TBCK: variants seen among roughly 807,000 people sequenced by gnomAD.
The protein encoded by TBCK is TBC1 domain containing kinase.
TBCK carries 99 observed loss-of-function variants against 113.4 expected under a neutral mutation model. The ratio of observed to expected loss-of-function variants is 0.87; its 90% CI spans 0.74 to 1.03. The LOEUF (loss-of-function observed/expected upper bound fraction) is 1.03, where lower values mean the gene tolerates loss of function less well. Among genes scored for constraint, TBCK ranks in the 50% least tolerant of loss-of-function variants. TBCK has a pLI of 0.00. For missense variants in TBCK, 1,045 were observed against 1,061.3 expected (o/e 0.98, Z 0.21); for synonymous variants, 369 against 370.8 (o/e 1.00, Z 0.05).
In TBCK at chr4:106,248,910, T is replaced by A; in HGVS notation, c.720+11A>T. 6.3e-7 allele frequency: 1 copy of A among 1,597,050 alleles called. No homozygotes were observed. The highest frequency in any genetic ancestry group is 8.5e-7 in the Non-Finnish European group (1 of 1,173,986). ...AGCACAAATGGACTAAGACCCAGATTAATGACAAACCTTTATAATGTCCAA... is the reference window on the plus strand; with the variant it reads ...AGCACAAATGGACTAAGACCCAGATAAATGACAAACCTTTATAATGTCCAA... On this transcript the variant is annotated intron_variant, in intron 8 of 25. Coordinates refer to ENST00000394708, the MANE Select transcript of TBCK (RefSeq NM_001163435.3).
intron 2 of TBCK, among the ~76,000 whole-genome samples, chr4:106,305,430 T>C (rs1242307695): frequency 2.0e-5 from 3 of 152,056 alleles, no homozygotes; most frequent in African/African-American, 7.2e-5. Flanking sequence ...AAATAAAACA[T>C]AACAGACAGA....
intron 25 of TBCK, among the ~76,000 whole-genome samples, chr4:106,081,188 C>T (rs1738828706): frequency 6.6e-6 from 1 of 152,108 alleles, no homozygotes; most frequent in African/African-American, 2.4e-5. Flanking sequence ...TTGGTATATG[C>T]CCAAAGGAAT....
rs1171977146 is a variant in TBCK at position 106,295,036 on chromosome 4, T to C, written c.266+58A>G. The C allele has an allele frequency of 9.9e-6, 14 of 1,414,010 alleles. 1 individual carries two copies. The East Asian group carries it at 3.0e-4, about 31-fold the overall frequency. The allele number at this position is 1,414,010 out of a possible 1,614,324, so 87.6% of individuals were successfully genotyped here. ...CCAAACCCCTGCAGTTTAAACAAAA[T>C]GCCTTTTTGTTTGCCAAGTTCTGCT... On this transcript the variant is annotated intron_variant, in intron 3 of 25. Transcript: ENST00000394708.
rs371618959 is a variant in TBCK, at chr4:106,171,117, G to A, written c.2213C>T (p.Pro738Leu). The A allele has an allele frequency of 2.5e-6, 4 of 1,610,112 alleles. No individual in the cohort carries two copies. The African/African-American group carries it at 5.4e-5, about 22-fold the overall frequency. Residue 738 changes from proline to leucine, a missense_variant, in exon 23 of 26, where the codon CCA (proline) becomes CTA (leucine). Coordinates refer to ENST00000394708, the MANE Select transcript of TBCK (RefSeq NM_001163435.3). Reference sequence around the variant, plus strand: ...TACCAGATCTGTCTTTGGAGGATCTGGACACTCAGCAGAGAAATAAGGTGC... The same window carrying A: ...TACCAGATCTGTCTTTGGAGGATCTAGACACTCAGCAGAGAAATAAGGTGC... ...SSAPYFSAEC[P>L]DPPKTDLSRE... is the part of the protein sequence containing the mutation.
Position 106,211,227 on chromosome 4 carries a change from A to G in TBCK, c.1860+1523T>C, listed in dbSNP as rs372283425. Among the ~76,000 whole-genome samples, 6 of 152,176 alleles carry G rather than the reference A, an allele frequency of 3.9e-5. 1 individual carries two copies. Among genetic ancestry groups the G allele is most frequent in the African/African-American group, 9.6e-5 (4 of 41,460 alleles). ...AATATTCTTTTTTACTCAAAAATCT[A>G]ACACCATTACCAACTTGGCAGTCAG... On this transcript the variant is annotated intron_variant, in intron 20 of 25. Transcript: ENST00000394708.
intron 1 of TBCK, among the ~76,000 whole-genome samples, chr4:106,313,111 G>C (rs1481265010): frequency 6.6e-6 from 1 of 152,190 alleles, no homozygotes; most frequent in African/African-American, 2.4e-5. Context: ...AACAGCTTAT[G>C]AGAAGATAAA....
intron 20 of TBCK, among the ~76,000 whole-genome samples, chr4:106,200,929 A>G (rs971938744): frequency 2.6e-5 from 4 of 152,142 alleles, no homozygotes; most frequent in African/African-American, 9.6e-5. Context: ...TAATGAGAAA[A>G]TGAGTTAGTC....
chr4:106,287,981 CTT>C (rs1018398291), intron 3 of TBCK, among the ~76,000 whole-genome samples: 11 of 151,930 alleles, frequency 7.2e-5, no homozygotes, highest in Non-Finnish European at 1.3e-4. Context: ...AATTCATACT[CTT>C]TCTTCTAAAA....
chr4:106,122,186 A>T (rs1160082263), intron 23 of TBCK, among the ~76,000 whole-genome samples: 11 of 149,988 alleles, frequency 7.3e-5, no homozygotes, highest in East Asian at 3.9e-4. Flanking sequence ...AAAATGATAA[A>T]GGGGATATCA....
chr4:106,045,109 G>A lies in TBCK; in HGVS notation c.*1461C>T, dbSNP rs1734106648. ...GGGTGAGCCCTGTTGCCCAGGCTGG[G>A]GTACAGTGGCCCTATCATGGCTCAT... On this transcript the variant is annotated 3_prime_UTR_variant, in exon 26 of 26. Transcript: ENST00000394708. 6 of 150,560 alleles carry A rather than the reference G, an allele frequency of 4.0e-5. No homozygotes were observed. 9.3% of individuals were successfully genotyped at this position (150,560 alleles called of 1,614,324 possible).
chr4:106,070,617 G>C (rs905196633), intron 25 of TBCK, among the ~76,000 whole-genome samples: 10 of 152,066 alleles, frequency 6.6e-5, no homozygotes, highest in African/African-American at 2.4e-4. Flanking sequence ...TTGTGTGTGT[G>C]TCTCTGCCAG....
At chr4:106,172,076 C>T (rs1054290848) in intron 22 of TBCK, among the ~76,000 whole-genome samples, 1 of 152,112 alleles carries the variant, frequency 6.6e-6, no homozygotes, top group Admixed American at 6.6e-5. Flanking sequence ...AGGCAATCCA[C>T]CTGCCTCGGC....
chr4:106,221,360 AAATTT>A (rs1410041298), intron 19 of TBCK, among the ~76,000 whole-genome samples: 4 of 152,174 alleles, frequency 2.6e-5, no homozygotes, highest in African/African-American at 9.7e-5. Flanking sequence ...TAAAATATAT[AAATTT>A]ATTTTATGTA....
At chr4:106,275,340 A>T (rs1478309637) in intron 3 of TBCK, among the ~76,000 whole-genome samples, 3 of 152,200 alleles carry the variant, frequency 2.0e-5, no homozygotes, top group Non-Finnish European at 4.4e-5. Flanking sequence ...ATGGTGAAAT[A>T]CTTAACATTT....
chr4:106,107,492 A>G (rs1742302158), intron 24 of TBCK, among the ~76,000 whole-genome samples: 1 of 152,214 alleles, frequency 6.6e-6, no homozygotes, highest in Admixed American at 6.5e-5. Context: ...ATCACTCAAA[A>G]TCATACAATT....
At chr4:106,212,945 GAATAC>G (rs1457347732) in intron 19 of TBCK, 110 bp from the exon 20 acceptor site, 4 of 696,816 alleles carry the variant, frequency 5.7e-6, no homozygotes, top group Non-Finnish European at 9.6e-6. Context: ...TTCTCCATGA[GAATAC>G]TTTACGTGAT....
At chr4:106,254,037 C>T (rs1426249008) in intron 5 of TBCK, among the ~76,000 whole-genome samples, 2 of 152,148 alleles carry the variant, frequency 1.3e-5, no homozygotes, top group African/African-American at 4.8e-5. Context: ...TATAGCACCA[C>T]GTATGTGATG....
chr4:106,216,008 C>G (rs1201261033), intron 19 of TBCK, among the ~76,000 whole-genome samples: 1 of 148,702 alleles, frequency 6.7e-6, no homozygotes, highest in Non-Finnish European at 1.5e-5. Flanking sequence ...GAAATTATAA[C>G]AAACTATCTC....
chr4:106,196,267 A>C (rs1754224947), intron 20 of TBCK, among the ~76,000 whole-genome samples: 1 of 151,828 alleles, frequency 6.6e-6, no homozygotes, highest in African/African-American at 2.4e-5. Flanking sequence ...TAGAAGTGAC[A>C]AATCATCCTT....
Sources: allele counts gnomAD v4.1 joint callset (sites outside exome capture counted in the v4.1 genomes callset), GRCh38; gene constraint gnomAD v4.1.1; transcripts MANE v1.5; gene names NCBI Gene and HGNC (gene_info 2026-07-23, HGNC 2026-07-21).